The following TULP4 variants were observed in gnomAD, a reference collection of about 807,000 sequenced individuals.
TULP4 encodes TUB like protein 4, also known as tubby-related protein 4.
Under a neutral mutation model 129.0 loss-of-function variants are expected in TULP4, and 16 were observed. The ratio of observed to expected loss-of-function variants is 0.12; its 90% CI spans 0.08 to 0.19. The LOEUF (loss-of-function observed/expected upper bound fraction) is 0.19. TULP4 is among the 10% of genes least tolerant of loss of function. The pLI, the probability that TULP4 is intolerant of heterozygous loss-of-function variation, is 1.00. For synonymous variants in TULP4, 998 were observed against 854.0 expected (o/e 1.17, Z -2.94); for missense variants, 1,842 against 2,059.1 (o/e 0.89, Z 2.04).
chr6:158,382,794 T>C (rs577349478), intron 1 of TULP4, among the ~76,000 whole-genome samples: 1 of 152,348 alleles, frequency 6.6e-6, no homozygotes, highest in African/African-American at 2.4e-5. Context: ...GTAATCTCTT[T>C]GTAAGCCATG....
chr6:158,271,098 C>T (rs1009837004), intron 1 of TULP4, among the ~76,000 whole-genome samples: 2 of 148,456 alleles, frequency 1.3e-5, no homozygotes, highest in Non-Finnish European at 3.0e-5. Context: ...TGCAGTTAGC[C>T]GAGATCGCGC....
chr6:158,440,346 C>T (rs1473180041), intron 3 of TULP4, among the ~76,000 whole-genome samples: 1 of 137,828 alleles, frequency 7.3e-6, no homozygotes, highest in Non-Finnish European at 1.6e-5. Context: ...AAAAAATCCA[C>T]AAACCTACTA....
intron 1 of TULP4, among the ~76,000 whole-genome samples, chr6:158,328,950 G>C (rs902082704): frequency 6.6e-6 from 1 of 152,168 alleles, no homozygotes; most frequent in African/African-American, 2.4e-5. Flanking sequence ...GGAGGTTTTT[G>C]TCTAGAAGTT....
intron 1 of TULP4, among the ~76,000 whole-genome samples, chr6:158,365,911 T>C (rs1300012549): frequency 1.6e-5 from 2 of 128,116 alleles, no homozygotes; most frequent in Non-Finnish European, 1.7e-5. Flanking sequence ...TTTTTTTTTT[T>C]TTTTTTTTTG....
chr6:158,249,335 T>C (rs904704231), intron 1 of TULP4, among the ~76,000 whole-genome samples: 5 of 144,844 alleles, frequency 3.5e-5, no homozygotes, highest in African/African-American at 9.9e-5. Flanking sequence ...TTGAAATGTT[T>C]GGGGGTAATG....
chr6:158,307,991 C>A (rs6455564), upstream of TULP4, among the ~76,000 whole-genome samples: 131,115 of 151,378 alleles, frequency 0.87, 57,158 homozygotes, highest in Admixed American at 0.92. Context: ...CTCAGTTTTT[C>A]TTTTCTTTTT....
chr6:158,414,857 G>A (rs957710633), intron 2 of TULP4, among the ~76,000 whole-genome samples: 9 of 152,174 alleles, frequency 5.9e-5, no homozygotes, highest in Non-Finnish European at 1.2e-4. Context: ...CAGTCTCCAG[G>A]AACCCTGTTC....
At chr6:158,277,749 C>T (rs1257865750), upstream of TULP4, among the ~76,000 whole-genome samples, 2 of 152,162 alleles carry the variant, frequency 1.3e-5, no homozygotes, top group Non-Finnish European at 2.9e-5. Context: ...CCTTAAATAT[C>T]AGATCTTAAT....
At chr6:158,348,101 TA>T (rs1415799689) in intron 1 of TULP4, among the ~76,000 whole-genome samples, 3 of 151,594 alleles carry the variant, frequency 2.0e-5, no homozygotes, top group African/African-American at 7.3e-5. Context: ...ACGTAAACCT[TA>T]ATAGATAAAT....
chr6:158,360,084 CCTTTTATGCCTCCAA>C (rs1780748305), intron 1 of TULP4, among the ~76,000 whole-genome samples: 1 of 151,790 alleles, frequency 6.6e-6, no homozygotes, highest in African/African-American at 2.4e-5. Flanking sequence ...TCCCCCCTTC[CCTTTTATGCCTCCAA>C]AAAAAAAAAC....
intron 1 of TULP4, among the ~76,000 whole-genome samples, chr6:158,395,176 G>A (rs538836781): frequency 2.0e-5 from 3 of 152,288 alleles, no homozygotes; most frequent in African/African-American, 7.2e-5. Context: ...ATGAGTTTTG[G>A]AGGGGACAAA....
At chr6:158,291,814 G>A (rs557046920) in intron 1 of TULP4, among the ~76,000 whole-genome samples, 1 of 152,122 alleles carries the variant, frequency 6.6e-6, no homozygotes, top group South Asian at 2.1e-4. Flanking sequence ...TGTCTTAATT[G>A]TAGACTGCAT....
chr6:158,408,574 G>A (rs1397356243), intron 1 of TULP4, among the ~76,000 whole-genome samples: 1 of 152,062 alleles, frequency 6.6e-6, no homozygotes, highest in African/African-American at 2.4e-5. Flanking sequence ...GTGCTACCAT[G>A]GCTTGCGTCA....
At chr6:158,342,618 C>T (rs1780207024) in intron 1 of TULP4, among the ~76,000 whole-genome samples, 1 of 152,120 alleles carries the variant, frequency 6.6e-6, no homozygotes, top group Admixed American at 6.6e-5. Context: ...ACTTTAAATA[C>T]AAATGCAAGA....
chr6:158,425,152 TCAAA>T (rs1451857265), intron 2 of TULP4, among the ~76,000 whole-genome samples: 1 of 12,450 alleles, frequency 8.0e-5, no homozygotes, highest in Non-Finnish European at 1.3e-4. Flanking sequence ...AGACACCATC[TCAAA>T]AAAAAAAAAA....
chr6:158,279,382 A>C (rs1323310246), upstream of TULP4, among the ~76,000 whole-genome samples: 1 of 152,228 alleles, frequency 6.6e-6, no homozygotes, highest in Admixed American at 6.5e-5. Context: ...GTACGTCTTT[A>C]TGATTTCAGC....
Position 158,508,393 on chromosome 6 carries a change from C to A in TULP4, c.*1699C>A, listed in dbSNP as rs1470456239. On this transcript the variant is annotated 3_prime_UTR_variant, in exon 14 of 14. Transcript: ENST00000367097. ...GTTAAAAAATTGGAAAAGAAACCGA[C>A]CCATTTTTTTCCCAGATCAAGATGA... 2 of 152,148 alleles carry A rather than the reference C, an allele frequency of 1.3e-5. No homozygotes were observed. The allele number at this position is 152,148 out of a possible 1,614,324, so 9.4% of individuals were successfully genotyped here.
intron 1 of TULP4, among the ~76,000 whole-genome samples, chr6:158,391,489 C>T (rs1273577731): frequency 6.6e-6 from 1 of 152,174 alleles, no homozygotes; most frequent in African/African-American, 2.4e-5. Context: ...GAATTCAAAC[C>T]TACAAAGGCA....
intron 1 of TULP4, among the ~76,000 whole-genome samples, chr6:158,305,322 T>TAC (rs1779199921): frequency 9.0e-6 from 1 of 111,628 alleles, no homozygotes; most frequent in South Asian, 3.4e-4. Flanking sequence ...TCATTCTGTG[T>TAC]GCGTGTGTGT....
Sources: allele counts gnomAD v4.1 joint callset (sites outside exome capture counted in the v4.1 genomes callset), GRCh38; gene constraint gnomAD v4.1.1; transcripts MANE v1.5; gene names NCBI Gene and HGNC (gene_info 2026-07-23, HGNC 2026-07-21).